CELF6: variants seen among roughly 807,000 people sequenced by gnomAD.
CELF6 encodes Bruno -like 6, RNA binding protein.
Under a neutral mutation model 53.1 loss-of-function variants are expected in CELF6, and 32 were observed. The observed-to-expected ratio is 0.60, with a 90% CI of 0.46 to 0.81. The LOEUF is 0.81. CELF6 is among the 30% of genes least tolerant of loss of function. The pLI is 0.00. For synonymous variants in CELF6, 291 were observed against 288.8 expected (o/e 1.01, Z -0.08); for missense variants, 539 against 669.5 (o/e 0.81, Z 2.15).
chr15:72,317,389 C>G (rs1313218681), intron 1 of CELF6, among the ~76,000 whole-genome samples: 1 of 152,154 alleles, frequency 6.6e-6, no homozygotes, highest in Non-Finnish European at 1.5e-5. Context: ...TTTCTGGCCT[C>G]TTCTACAGGG....
chr15:72,301,854 A>G (rs2088160382), intron 3 of CELF6, among the ~76,000 whole-genome samples: 1 of 149,188 alleles, frequency 6.7e-6, no homozygotes, highest in Admixed American at 6.9e-5. Context: ...CTCCCGTCTC[A>G]GCCTCCTGAG....
At chr15:72,311,665 G>T (rs1232675936) in intron 2 of CELF6, among the ~76,000 whole-genome samples, 2 of 152,174 alleles carry the variant, frequency 1.3e-5, no homozygotes, top group Admixed American at 6.5e-5. Context: ...GCCTCCCAAA[G>T]TGCTGGGATT....
At chr15:72,312,092 A>G (rs1444838609) in intron 2 of CELF6, among the ~76,000 whole-genome samples, 1 of 152,140 alleles carries the variant, frequency 6.6e-6, no homozygotes, top group Non-Finnish European at 1.5e-5. Flanking sequence ...TGCATCTCGT[A>G]AGTGGGGCTG....
At chr15:72,293,833 T>C (rs1404396291) in intron 3 of CELF6, among the ~76,000 whole-genome samples, 19 of 151,904 alleles carry the variant, frequency 1.3e-4, no homozygotes, top group Non-Finnish European at 2.9e-5. Context: ...AGCTGGATTA[T>C]AGGTGCACGC....
chr15:72,304,570 C>A (rs2088201019), intron 3 of CELF6, among the ~76,000 whole-genome samples, 176 bp downstream of exon 3: 1 of 152,168 alleles, frequency 6.6e-6, no homozygotes, highest in South Asian at 2.1e-4. Context: ...AACCCCAGCC[C>A]TGCTCAGTCT....
At chr15:72,306,109 T>C in intron 2 of CELF6, 1 of 984,918 alleles carries the variant, frequency 1.0e-6, no homozygotes, top group Non-Finnish European at 1.2e-6. Flanking sequence ...CCAACCACCC[T>C]GAGTGAATTC....
At chr15:72,313,735 C>T (rs554738007) in intron 2 of CELF6, 10 of 980,590 alleles carry the variant, frequency 1.0e-5, no homozygotes, top group South Asian at 9.4e-5. Flanking sequence ...CTCATTGACT[C>T]TCAGTTCTAG....
chr15:72,296,741 T>G (rs1258262274), intron 3 of CELF6, among the ~76,000 whole-genome samples: 1 of 152,108 alleles, frequency 6.6e-6, no homozygotes, highest in African/African-American at 2.4e-5. Context: ...AAAACTACAA[T>G]GAGATATCAC....
chr15:72,300,579 A>T (rs923055623), intron 3 of CELF6, among the ~76,000 whole-genome samples: 1 of 152,202 alleles, frequency 6.6e-6, no homozygotes, highest in African/African-American at 2.4e-5. Context: ...CACACCTGTA[A>T]TCCCAGCACT....
At chr15:72,314,106 G>A (rs2088332295) in intron 2 of CELF6, among the ~76,000 whole-genome samples, 1 of 152,148 alleles carries the variant, frequency 6.6e-6, no homozygotes, top group Non-Finnish European at 1.5e-5. Context: ...GTGTTACTTG[G>A]CACTTAGTCC....
At chr15:72,293,265 T>A (rs1414226340) in intron 3 of CELF6, among the ~76,000 whole-genome samples, 11 of 151,986 alleles carry the variant, frequency 7.2e-5, no homozygotes, top group Non-Finnish European at 1.6e-4. Context: ...GACCCAGAAA[T>A]GGTGGGATAA....
chr15:72,292,363 C>T (rs2088016706), intron 3 of CELF6: 1 of 782,998 alleles, frequency 1.3e-6, no homozygotes, highest in African/African-American at 1.7e-5. Flanking sequence ...AGAATCAAAC[C>T]CCGAAAGACC....
At chr15:72,312,362 C>A (rs2088307538) in intron 2 of CELF6, among the ~76,000 whole-genome samples, 1 of 152,202 alleles carries the variant, frequency 6.6e-6, no homozygotes, top group South Asian at 2.1e-4. Flanking sequence ...AGTGGTGGCT[C>A]ACGCCTGTAA....
At chr15:72,293,302 A>T (rs534929136) in intron 3 of CELF6, among the ~76,000 whole-genome samples, 7 of 152,176 alleles carry the variant, frequency 4.6e-5, no homozygotes, top group Non-Finnish European at 1.0e-4. Context: ...GGCCAAAGAG[A>T]AGTACATGCT....
At chr15:72,294,436 C>T (rs1394958843) in intron 3 of CELF6, among the ~76,000 whole-genome samples, 3 of 152,166 alleles carry the variant, frequency 2.0e-5, no homozygotes, top group Admixed American at 2.0e-4. Context: ...CAAAGCAACT[C>T]TCTCCTGATA....
At position 72,308,592 on chromosome 15, in the gene CELF6, G is replaced by T. The variant is rs376039418; in HGVS notation, c.346-3798C>A. Among the ~76,000 whole-genome samples the T allele has an allele frequency of 1.2e-4, 19 of 152,336 alleles. No homozygotes were observed. In the South Asian group the frequency reaches 3.9e-3, roughly 32 times the overall value. On this transcript the variant is annotated intron_variant, in intron 2 of 12. Transcript: ENST00000287202. ...AAAGGTAGGCAAGGGCCAGATTAGG[G>T]AAGGCTGTGAAAACCGCATCAAGGA...
Position 72,288,396 on chromosome 15 carries a change from C to G in CELF6, c.1230G>C (p.Ala410=). 6.2e-7 allele frequency: 1 copy of G among 1,614,088 alleles called. No homozygotes were observed. The highest frequency in any genetic ancestry group is 2.2e-5 in the East Asian group (1 of 44,882). The change falls in exon 11 of 13, where the codon GCG becomes GCC. Residue 410 remains alanine, a synonymous_variant. Coordinates refer to ENST00000287202, the MANE Select transcript of CELF6 (RefSeq NM_052840.5). This position sits in a 1 kb window ranked among gnomAD's most constrained non-coding sequence, Gnocchi z 4.6. ...IYHLPQEFGD[A]ELIQTFLPFG... The stretch of plus-strand genomic sequence containing the variant: ...AGGGCAGGAATGTCTGTATGAGTTC[C>G]GCATCACCAAACTCCTGAGGCAGGT...
At chr15:72,315,971 A>T in intron 1 of CELF6, 44 bp from the exon 2 acceptor site, 1 of 1,327,232 alleles carries the variant, frequency 7.5e-7, no homozygotes. Flanking sequence ...TGAAACCCCC[A>T]ACTATTCTTC....
At chr15:72,301,686 C>T (rs1020544077) in intron 3 of CELF6, among the ~76,000 whole-genome samples, 1 of 150,824 alleles carries the variant, frequency 6.6e-6, no homozygotes, top group South Asian at 2.1e-4. Flanking sequence ...ACGTTGTTGC[C>T]AAATGTTACA....
Sources: gnomAD v4.1 joint callset for allele counts (sites outside exome capture counted in the v4.1 genomes callset) on GRCh38, gnomAD v4.1.1 for gene constraint, Gnocchi (gnomAD v3.1) non-coding constraint, MANE v1.5 for transcripts, NCBI Gene and HGNC (gene_info 2026-07-23, HGNC 2026-07-21) for gene names.